Variants in WIPF3 observed in about 807,000 individuals in gnomAD.
The protein encoded by WIPF3 is WAS/WASL interacting protein family member 3.
In WIPF3, 33 loss-of-function variants were observed where a neutral mutation model predicts 38.9. The ratio of observed to expected loss-of-function variants is 0.85; its 90% CI spans 0.64 to 1.14. The LOEUF (loss-of-function observed/expected upper bound fraction) is 1.14, where lower values mean the gene tolerates loss of function less well. Ranked by LOEUF, WIPF3 falls within the 50% of genes most tolerant of loss-of-function variation. The pLI is 0.00. For missense variants in WIPF3, 711 were observed against 652.5 expected, an observed-to-expected ratio of 1.09 and a Z score of -0.98; for synonymous variants, 324 against 269.3, an observed-to-expected ratio of 1.20 and a Z score of -1.99.
At position 29,842,829 on chromosome 7, in the gene WIPF3, GA is replaced by G. The variant is rs1784935489; in HGVS notation, c.90+8019del. On this transcript the variant is annotated intron_variant, in intron 2 of 8. Coordinates refer to ENST00000242140, the MANE Select transcript of WIPF3 (RefSeq NM_001080529.3). ...GAATTGCATATTGCACCATATTCTGGAAAAGGTAATTTGCATGTCTGCTGGT... is the reference window on the plus strand; with the variant it reads ...GAATTGCATATTGCACCATATTCTGGAAAGGTAATTTGCATGTCTGCTGGT... Among the ~76,000 whole-genome samples the G allele has an allele frequency of 2.6e-5, 4 of 152,302 alleles. No individual in the cohort carries two copies. The South Asian group carries it at 8.3e-4, about 32-fold the overall frequency.
intron 1 of WIPF3, among the ~76,000 whole-genome samples, chr7:29,827,346 AAGAAAGTGACAAC>A (rs1180938953): frequency 6.6e-6 from 1 of 152,236 alleles, no homozygotes; most frequent in Non-Finnish European, 1.5e-5. Context: ...ATTAAATGAC[AAGAAAGTGACAAC>A]AGAAAGTGAC....
At chr7:29,888,322 C>A in intron 6 of WIPF3, 105 bp downstream of exon 6, 2 of 1,414,368 alleles carry the variant, frequency 1.4e-6, no homozygotes, top group Non-Finnish European at 1.9e-6. Context: ...TCTCAGGGTG[C>A]ATGCTTCTTT....
At chr7:29,814,539 G>A (rs1356041022) in intron 1 of WIPF3, among the ~76,000 whole-genome samples, 1 of 152,192 alleles carries the variant, frequency 6.6e-6, no homozygotes, top group African/African-American at 2.4e-5. Flanking sequence ...GAAGGCTGGG[G>A]GAGTTGTGGA....
At chr7:29,904,713 C>G in intron 8 of WIPF3, 1 of 205,132 alleles carries the variant, frequency 4.9e-6, no homozygotes, top group Non-Finnish European at 9.9e-6. Context: ...TCAGTATTCT[C>G]TCTCATCTGT....
At chr7:29,871,384 G>A (rs1415699087) in intron 2 of WIPF3, among the ~76,000 whole-genome samples, 1 of 152,178 alleles carries the variant, frequency 6.6e-6, no homozygotes, top group Non-Finnish European at 1.5e-5. Context: ...AGGCTTGTAT[G>A]CCTGGAAACC....
chr7:29,874,371 C>T (rs1419031212), intron 2 of WIPF3, among the ~76,000 whole-genome samples: 1 of 152,012 alleles, frequency 6.6e-6, no homozygotes, highest in African/African-American at 2.4e-5. Context: ...GAACATTCAA[C>T]TCATAATCAC....
chr7:29,897,742 G>A (rs922531732), intron 7 of WIPF3, among the ~76,000 whole-genome samples: 1 of 152,216 alleles, frequency 6.6e-6, no homozygotes, highest in African/African-American at 2.4e-5. Context: ...GCCAGTAGGA[G>A]GGTATTTATT....
chr7:29,817,489 A>G (rs1002950751), intron 1 of WIPF3, among the ~76,000 whole-genome samples: 3 of 152,098 alleles, frequency 2.0e-5, no homozygotes, highest in Admixed American at 2.0e-4. Context: ...TTAGAAATTA[A>G]AAATTTGATT....
intron 5 of WIPF3, among the ~76,000 whole-genome samples, chr7:29,885,591 G>A (rs144418921): frequency 1.6e-3 from 247 of 152,268 alleles, no homozygotes; most frequent in African/African-American, 5.7e-3. Flanking sequence ...CATGAAGATG[G>A]CTTGAGGTCA....
intron 7 of WIPF3, among the ~76,000 whole-genome samples, chr7:29,891,137 GGGGGCGCGGGCCTGCCCTGTGCTC>G: frequency 1.3e-5 from 1 of 77,514 alleles, no homozygotes; most frequent in African/African-American, 4.1e-5. Context: ...CTCAGGTGGA[GGGGGCGCGGGCCTGCCCTGTGCTC>G]AGGTGGAGGG....
At chr7:29,882,165 T>C (rs1319522985) in intron 4 of WIPF3, among the ~76,000 whole-genome samples, 1 of 152,254 alleles carries the variant, frequency 6.6e-6, no homozygotes, top group Non-Finnish European at 1.5e-5. Flanking sequence ...TTTAACTGAC[T>C]CACTTTAAGG....
chr7:29,890,986 G>T (rs868817368), intron 7 of WIPF3, among the ~76,000 whole-genome samples: 16 of 127,800 alleles, frequency 1.3e-4, no homozygotes, highest in Admixed American at 3.7e-4. Flanking sequence ...AGGGGGCGAG[G>T]GCCTGCCCTG....
At chr7:29,827,010 T>C (rs566045610) in intron 1 of WIPF3, among the ~76,000 whole-genome samples, 2 of 152,148 alleles carry the variant, frequency 1.3e-5, no homozygotes, top group African/African-American at 2.4e-5. Flanking sequence ...TGGGGTGTCA[T>C]GGTGCTTAAA....
chr7:29,868,518 G>GTA (rs138569662), intron 2 of WIPF3, among the ~76,000 whole-genome samples: 22,529 of 147,806 alleles, frequency 0.15, 1,716 homozygotes, highest in Middle Eastern at 0.19. Flanking sequence ...ATAATGAGAA[G>GTA]TATATATATA....
chr7:29,836,705 C>T (rs1263580814), intron 2 of WIPF3, among the ~76,000 whole-genome samples: 3 of 152,210 alleles, frequency 2.0e-5, no homozygotes, highest in African/African-American at 7.2e-5. Flanking sequence ...AAACTTACAT[C>T]TGGCGGGGCA....
chr7:29,909,092 G>C (rs1422947988), intron 8 of WIPF3, among the ~76,000 whole-genome samples: 1 of 152,010 alleles, frequency 6.6e-6, no homozygotes, highest in Non-Finnish European at 1.5e-5. Flanking sequence ...TAAAACACTT[G>C]GAGATTAATT....
At chr7:29,885,337 C>T (rs761973116) in intron 5 of WIPF3, among the ~76,000 whole-genome samples, 8 of 152,164 alleles carry the variant, frequency 5.3e-5, no homozygotes, top group Non-Finnish European at 1.2e-4. Context: ...ACAGATACAC[C>T]CACATCCACA....
At chr7:29,879,207 A>T in intron 4 of WIPF3, 67 bp downstream of exon 4, 5 of 1,552,670 alleles carry the variant, frequency 3.2e-6, no homozygotes, top group Non-Finnish European at 4.4e-6. Context: ...CCATCTGGGC[A>T]ATCCACACAT....
At chr7:29,873,460 A>G (rs1785533708) in intron 2 of WIPF3, among the ~76,000 whole-genome samples, 1 of 152,150 alleles carries the variant, frequency 6.6e-6, no homozygotes, top group African/African-American at 2.4e-5. Flanking sequence ...TCTTAGCTAC[A>G]GTTGTGATAT....
Sources: gnomAD v4.1 joint callset for allele counts (sites outside exome capture counted in the v4.1 genomes callset) on GRCh38, gnomAD v4.1.1 for gene constraint, MANE v1.5 for transcripts, NCBI Gene and HGNC (gene_info 2026-07-23, HGNC 2026-07-21) for gene names.